Variants in ARHGAP26 observed in about 807,000 individuals in gnomAD.
The protein encoded by ARHGAP26 is rho GTPase-activating protein 26.
In ARHGAP26, 38 loss-of-function variants were observed where a neutral mutation model predicts 104.8. The observed-to-expected ratio is 0.36, with a 90% CI of 0.28 to 0.48. The LOEUF is 0.48. Among genes scored for constraint, ARHGAP26 ranks in the 20% least tolerant of loss-of-function variants. ARHGAP26 has a pLI of 0.99. For missense variants in ARHGAP26, 704 were observed against 947.9 expected (o/e 0.74, Z 3.38); for synonymous variants, 341 against 340.0 (o/e 1.00, Z -0.03).
chr5:142,935,102 T>C (rs554561290), intron 11 of ARHGAP26, among the ~76,000 whole-genome samples: 5 of 152,320 alleles, frequency 3.3e-5, no homozygotes, highest in Non-Finnish European at 7.4e-5. Context: ...AATTCAAATG[T>C]GGGAAACTCA....
At chr5:142,780,007 C>G (rs965213048) in intron 1 of ARHGAP26, among the ~76,000 whole-genome samples, 1 of 152,216 alleles carries the variant, frequency 6.6e-6, no homozygotes, top group African/African-American at 2.4e-5. Context: ...CCCTCCAATG[C>G]TTCCTGTCTC....
chr5:143,219,217 C>T (rs934833779), intron 22 of ARHGAP26, among the ~76,000 whole-genome samples: 15 of 152,200 alleles, frequency 9.9e-5, no homozygotes, highest in African/African-American at 3.6e-4. Flanking sequence ...AATTATTTTA[C>T]CTCTCTGAGC....
At chr5:143,221,199 T>C (rs1312450925) in intron 22 of ARHGAP26, among the ~76,000 whole-genome samples, 1 of 152,188 alleles carries the variant, frequency 6.6e-6, no homozygotes, top group East Asian at 1.9e-4. Flanking sequence ...AGATAATCTT[T>C]ATAATATCAC....
chr5:142,925,332 T>C (rs1265834168), intron 10 of ARHGAP26, among the ~76,000 whole-genome samples: 1 of 152,160 alleles, frequency 6.6e-6, no homozygotes, highest in Non-Finnish European at 1.5e-5. Context: ...AAAGTAAAAC[T>C]GCAAAAGAAA....
At chr5:142,825,712 A>G (rs1399460192) in intron 1 of ARHGAP26, among the ~76,000 whole-genome samples, 1 of 152,200 alleles carries the variant, frequency 6.6e-6, no homozygotes, top group East Asian at 1.9e-4. Context: ...CTCAAGGAAA[A>G]GGCAAGTAGT....
At chr5:142,889,562 G>A (rs985458638) in intron 5 of ARHGAP26, among the ~76,000 whole-genome samples, 4 of 152,136 alleles carry the variant, frequency 2.6e-5, no homozygotes, top group Non-Finnish European at 5.9e-5. Context: ...AGTTTGCAGT[G>A]AGCTGAGATC....
intron 17 of ARHGAP26, among the ~76,000 whole-genome samples, chr5:143,097,151 C>T (rs550846749): frequency 6.6e-6 from 1 of 151,780 alleles, no homozygotes; most frequent in Non-Finnish European, 1.5e-5. Context: ...CCAGCCTGGC[C>T]GACATGGCGA....
At chr5:143,012,577 T>TATATATATATATATG (rs1554195775) in intron 11 of ARHGAP26, among the ~76,000 whole-genome samples, 1 of 19,088 alleles carries the variant, frequency 5.2e-5, no homozygotes, top group African/African-American at 1.1e-4. Context: ...ATATATATAT[T>TATATATATATATATG]ATGATCAGGT....
intron 1 of ARHGAP26, among the ~76,000 whole-genome samples, chr5:142,851,112 TC>T (rs1299443688): frequency 6.6e-6 from 1 of 150,458 alleles, no homozygotes; most frequent in Admixed American, 6.6e-5. Context: ...TTTTTTTTTT[TC>T]CTGAGACAGA....
chr5:143,158,086 A>G (rs997937020), intron 20 of ARHGAP26, among the ~76,000 whole-genome samples: 1 of 152,190 alleles, frequency 6.6e-6, no homozygotes, highest in African/African-American at 2.4e-5. Flanking sequence ...GGTTTCTACT[A>G]TTATTTTTAT....
chr5:143,001,623 A>G (rs72799089), intron 11 of ARHGAP26, among the ~76,000 whole-genome samples: 1 of 152,324 alleles, frequency 6.6e-6, no homozygotes, highest in African/African-American at 2.4e-5. Flanking sequence ...TGGCTGGCCT[A>G]AGTCACACTA....
At chr5:143,086,251 T>G (rs7727006) in intron 17 of ARHGAP26, among the ~76,000 whole-genome samples, 17,129 of 152,196 alleles carry the variant, frequency 0.11, 1,900 homozygotes, top group East Asian at 0.37. Flanking sequence ...CTAGAAAACT[T>G]CCAGTCCCCT....
chr5:143,147,981 C>T (rs545515553), intron 20 of ARHGAP26, among the ~76,000 whole-genome samples: 15 of 152,196 alleles, frequency 9.9e-5, no homozygotes, highest in Non-Finnish European at 2.2e-4. Flanking sequence ...TTGTCTAGCC[C>T]TCCACAGAAA....
At chr5:143,045,903 G>A (rs1784160774) in intron 14 of ARHGAP26, among the ~76,000 whole-genome samples, 1 of 152,138 alleles carries the variant, frequency 6.6e-6, no homozygotes. Flanking sequence ...GGAGGTCAAG[G>A]TGAGCGATCA....
rs1561897802 is a variant in ARHGAP26 at position 142,820,450 on chromosome 5, A to AAAC, written c.154+49537_154+49538insCAA. 5.4e-3 allele frequency among the ~76,000 whole-genome samples: 819 copies of AAAC among 151,890 alleles called. 8 individuals are homozygous for AAAC. The highest frequency in any genetic ancestry group is 0.018 in the African/African-American group (750 of 41,320). On this transcript the variant is annotated intron_variant, in intron 1 of 22. Transcript: ENST00000645722. ...AGTCCAAGATGCTTAAAAAAACAAA[A>AAAC]AAACAAACAAAAAAAACCCACCTAA... is the stretch of plus-strand genomic sequence containing the variant.
At chr5:142,818,529 T>TA (rs1349310752) in intron 1 of ARHGAP26, among the ~76,000 whole-genome samples, 1 of 152,180 alleles carries the variant, frequency 6.6e-6, no homozygotes, top group African/African-American at 2.4e-5. Context: ...TAATATCATT[T>TA]AAAAAAGCAA....
In ARHGAP26 at chr5:143,064,554, C is replaced by T. The variant is rs75481953; in HGVS notation, c.1538+6807C>T. 5.3e-5 allele frequency among the ~76,000 whole-genome samples: 8 copies of T among 152,080 alleles called. No individual in the cohort carries two copies. The East Asian group carries it at 9.6e-4, about 18-fold the overall frequency. On this transcript the variant is annotated intron_variant, in intron 17 of 22. Transcript: ENST00000645722. ...GACTAAGAATGGGATTCTCAAAGGA[C>T]CTTCTCCAGCTATTTTTGGCAGAGT...
chr5:143,027,689 A>G (rs1781263180), intron 12 of ARHGAP26, among the ~76,000 whole-genome samples: 1 of 152,238 alleles, frequency 6.6e-6, no homozygotes, highest in South Asian at 2.1e-4. Context: ...CATATGCCAA[A>G]GTGGAACAAT....
chr5:143,193,249 T>C (rs997274991), intron 20 of ARHGAP26, among the ~76,000 whole-genome samples: 5 of 137,550 alleles, frequency 3.6e-5, no homozygotes, highest in Non-Finnish European at 6.2e-5. Flanking sequence ...TCTTTTTTTT[T>C]TTTTTTTTTT....
Sources: allele counts gnomAD v4.1 joint callset (sites outside exome capture counted in the v4.1 genomes callset), GRCh38; gene constraint gnomAD v4.1.1; transcripts MANE v1.5; gene names NCBI Gene and HGNC (gene_info 2026-07-23, HGNC 2026-07-21).